Variants in EPHA8 observed in about 807,000 individuals in gnomAD.
The protein encoded by EPHA8 is EPH receptor A8.
A neutral mutation model predicts 103.6 loss-of-function variants in EPHA8; 58 were observed. The observed-to-expected ratio is 0.56, with a 90% CI of 0.45 to 0.70. The LOEUF (loss-of-function observed/expected upper bound fraction) is 0.70. Among genes scored for constraint, EPHA8 ranks in the 30% least tolerant of loss-of-function variants. The probability of loss-of-function intolerance (pLI) is 0.00; values close to 1 mark genes in which losing one functional copy is unlikely to be tolerated. For missense variants in EPHA8, 1,304 were observed against 1,395.2 expected, an observed-to-expected ratio of 0.93 and a Z score of 1.04; for synonymous variants, 559 against 572.5, an observed-to-expected ratio of 0.98 and a Z score of 0.34.
chr1:22,590,515 C>T (rs558268605), intron 5 of EPHA8, among the ~76,000 whole-genome samples: 2 of 152,268 alleles, frequency 1.3e-5, no homozygotes, highest in Non-Finnish European at 2.9e-5. Flanking sequence ...TCCATGGGCG[C>T]CTCTTCCCCC....
At chr1:22,578,009 A>ATGTG (rs1640791378) in intron 3 of EPHA8, among the ~76,000 whole-genome samples, 1 of 482 alleles carries the variant, frequency 2.1e-3, no homozygotes, top group Non-Finnish European at 4.3e-3. Flanking sequence ...CTGTGTGTGC[A>ATGTG]TGTGTATGTG....
Position 22,586,600 on chromosome 1 carries a change from G to C in EPHA8, c.944G>C (p.Arg315Pro). The C allele has an allele frequency of 1.2e-6, 2 of 1,613,856 alleles. No homozygotes were observed. The highest frequency in any genetic ancestry group is 2.2e-5 in the South Asian group (2 of 91,066). Residue 315 changes from arginine (R) to proline (P), a missense_variant, in exon 4 of 17, where the codon CGT becomes CCT. By Grantham distance (103) the Arg-to-Pro change is moderately radical. Coordinates refer to ENST00000166244, the MANE Select transcript of EPHA8 (RefSeq NM_020526.5). ...TGCCACTGTGACCTCAGCTACTACCGTGCAGCCCTGGACCCGCCGTCCTCA... is the reference window on the plus strand; with the variant it reads ...TGCCACTGTGACCTCAGCTACTACCCTGCAGCCCTGGACCCGCCGTCCTCA... Reference protein sequence around the residue: ...QACHCDLSYYRAALDPPSSAC... With the variant: ...QACHCDLSYYPAALDPPSSAC...
In EPHA8 at chr1:22,588,965, T is replaced by C. The variant is rs754177762; in HGVS notation, c.1074T>C (p.Ser358=). 9 of 1,613,460 alleles carry C rather than the reference T, an allele frequency of 5.6e-6. No homozygotes were observed. In the African/African-American group the frequency reaches 1.2e-4, roughly 22 times the overall value. Residue 358 remains serine (S), a synonymous_variant, in exon 5 of 17, where the codon AGT becomes AGC. Transcript: ENST00000166244. ...WAPPLDPGGR[S]DITYNAVCRR... is the part of the protein sequence containing the mutation. ...CTCCCCTGGACCCAGGTGGCCGCAG[T>C]GACATCACCTACAATGCCGTGTGCC...
intron 9 of EPHA8, 53 bp downstream of exon 9, chr1:22,596,226 C>A: frequency 6.4e-7 from 1 of 1,562,848 alleles, no homozygotes; most frequent in Non-Finnish European, 8.8e-7. Context: ...CAGGGGGACC[C>A]AGTGCTGGAC....
chr1:22,595,216 G>T lies in EPHA8; in HGVS notation c.1604-14G>T. The T allele has an allele frequency of 6.2e-7, 1 of 1,600,476 alleles. No homozygotes were observed. The highest frequency in any genetic ancestry group is 1.7e-4 in the Middle Eastern group (1 of 6,010). ...CTGAGAGCCTGGTCCCCCAACCCTG[G>T]CTTTCCCCTGCAGGGCCCCGCTATG... On this transcript the variant is annotated splice_polypyrimidine_tract_variant and intron_variant, in intron 7 of 16. Transcript: ENST00000166244.
In EPHA8 at chr1:22,597,801, T is replaced by C. The variant is rs1570030099; in HGVS notation, c.2056T>C (p.Ser686Pro). 6.2e-7 allele frequency: 1 copy of C among 1,612,948 alleles called. No individual in the cohort carries two copies. Among genetic ancestry groups the C allele is most frequent in the Admixed American group, 1.7e-5 (1 of 60,004 alleles). The change falls in exon 11 of 17, where the codon TCC (serine) becomes CCC (proline). Residue 686 changes from serine to proline, a missense_variant. Transcript: ENST00000166244. The surrounding 1 kb of genome is among the most constrained non-coding windows in gnomAD (Gnocchi z 4.6). ...GAGGCGGGACTTCCTGAGCGAGGCG[T>C]CCATCATGGGGCAATTCGACCATCC... ...RQRRDFLSEA[S>P]IMGQFDHPNI...
Position 22,600,733 on chromosome 1 carries a change from G to A in EPHA8, c.2461G>A (p.Val821Met), listed in dbSNP as rs747411921. 5.0e-6 allele frequency: 8 copies of A among 1,613,564 alleles called. 1 individual carries two copies. The highest frequency in any genetic ancestry group is 2.2e-5 in the South Asian group (2 of 91,052). Residue 821 changes from valine to methionine, a missense_variant, in exon 14 of 17, where the codon GTG becomes ATG. By Grantham distance (21) the Val-to-Met change is conservative. Coordinates refer to ENST00000166244, the MANE Select transcript of EPHA8 (RefSeq NM_020526.5). ...CCGCACCTTCTCCTCGGCCAGCGAC[G>A]TGTGGAGCTTCGGCGTGGTCATGTG... ...AFRTFSSASD[V>M]WSFGVVMWEV...
intron 4 of EPHA8, among the ~76,000 whole-genome samples, 163 bp from the exon 5 acceptor site, chr1:22,588,708 C>T (rs564364706): frequency 1.4e-3 from 210 of 152,180 alleles, no homozygotes; most frequent in Admixed American, 2.2e-3. Flanking sequence ...CAAACTCTGC[C>T]CTTGGGGAGG....
Position 22,597,630 on chromosome 1 carries a change from G to GGA in EPHA8, c.1931-45_1931-44insAG, listed in dbSNP as rs1404303769. ...GCCTGGGAGGCTGGGGGAGTCTGAG[G>GGA]GTCCCACTGCCCTCCCTCCACACCT... On this transcript the variant is annotated intron_variant, in intron 10 of 16. Transcript: ENST00000166244. This position sits in a 1 kb window ranked among gnomAD's most constrained non-coding sequence, Gnocchi z 4.6. The GGA allele has an allele frequency of 1.1e-5, 17 of 1,561,414 alleles. No individual in the cohort carries two copies. The highest frequency in any genetic ancestry group is 1.5e-5 in the Non-Finnish European group (17 of 1,152,872).
Position 22,597,192 on chromosome 1 carries a change from A to T in EPHA8, c.1766-120A>T. Reference sequence around the variant, plus strand: ...TATGGGGTGCGTGTTGTTTGCTACCACATCCAGAGACTCCCAGAGACACCC... The same window carrying T: ...TATGGGGTGCGTGTTGTTTGCTACCTCATCCAGAGACTCCCAGAGACACCC... On this transcript the variant is annotated intron_variant, in intron 9 of 16. Transcript: ENST00000166244. This position sits in a 1 kb window ranked among gnomAD's most constrained non-coding sequence, Gnocchi z 4.6. The T allele has an allele frequency of 1.3e-6, 1 of 783,034 alleles. No individual in the cohort carries two copies. The highest frequency in any genetic ancestry group is 1.8e-5 in the African/African-American group (1 of 56,908). 48.5% of individuals were successfully genotyped at this position (783,034 alleles called of 1,614,324 possible). A position where few individuals can be genotyped will look rare whatever the true frequency, so the allele number is the denominator to read the frequency against.
chr1:22,570,678 CTGT>C (rs1267595138), intron 2 of EPHA8, among the ~76,000 whole-genome samples: 1 of 152,244 alleles, frequency 6.6e-6, no homozygotes, highest in Non-Finnish European at 1.5e-5. Context: ...TGAGCTGAGC[CTGT>C]TATCAGCCCT....
intron 1 of EPHA8, among the ~76,000 whole-genome samples, chr1:22,566,924 G>A (rs1333076424): frequency 6.6e-6 from 1 of 152,176 alleles, no homozygotes; most frequent in African/African-American, 2.4e-5. Context: ...GAAGGGTCTG[G>A]AATGAATTGG....
At chr1:22,586,404 G>A (rs1479934007) in intron 3 of EPHA8, 76 bp from the exon 4 acceptor site, 5 of 1,541,086 alleles carry the variant, frequency 3.2e-6, no homozygotes, top group Non-Finnish European at 4.4e-6. Flanking sequence ...GAAGCTGTGG[G>A]CCACAGTGTG....
intron 3 of EPHA8, among the ~76,000 whole-genome samples, chr1:22,579,222 T>TGTGC (rs1557562817): frequency 1.1e-4 from 16 of 151,856 alleles, no homozygotes; most frequent in Admixed American, 7.9e-4. Flanking sequence ...TGTGTGTATG[T>TGTGC]ATGCATGTGT....
intron 3 of EPHA8, among the ~76,000 whole-genome samples, chr1:22,581,950 G>A (rs1435852659): frequency 1.3e-5 from 2 of 152,302 alleles, no homozygotes; most frequent in East Asian, 3.9e-4. Flanking sequence ...CTCAAACTAA[G>A]GCCTTTCACA....
Position 22,595,430 on chromosome 1 carries a change from T to C in EPHA8, c.1697+107T>C, listed in dbSNP as rs1017833341. 1.3e-5 allele frequency: 11 copies of C among 840,558 alleles called. No individual in the cohort carries two copies. The African/African-American group carries it at 1.8e-4, about 14-fold the overall frequency. 52.1% of individuals were successfully genotyped at this position (840,558 alleles called of 1,614,324 possible). A position where few individuals can be genotyped will look rare whatever the true frequency, so the allele number is the denominator to read the frequency against. On this transcript the variant is annotated intron_variant, in intron 8 of 16. Transcript: ENST00000166244. ...TGGTCCCCGTGTGCCTGGGGCTGGC[T>C]CACTTACAAACACACCACCTCATTT...
Position 22,602,870 on chromosome 1 carries a change from C to CT in EPHA8, c.*1131dup, listed in dbSNP as rs1641778017. ...GGGGCTCCGGCCTCCTGCCAAGGCT[C>CT]TTGTCCCCATACACCATCCCACAAG... is the stretch of plus-strand genomic sequence containing the variant. On this transcript the variant is annotated 3_prime_UTR_variant, in exon 17 of 17. Transcript: ENST00000166244. 1 of 152,522 alleles carries CT rather than the reference C, an allele frequency of 6.6e-6. No individual in the cohort carries two copies. Among genetic ancestry groups the CT allele is most frequent in the Non-Finnish European group, 1.5e-5 (1 of 68,092 alleles). The allele number at this position is 152,522 out of a possible 1,614,324, so 9.4% of individuals were successfully genotyped here.
intron 8 of EPHA8, 29 bp downstream of exon 8, chr1:22,595,352 C>T: frequency 6.3e-7 from 1 of 1,590,020 alleles, no homozygotes; most frequent in Non-Finnish European, 8.6e-7. Context: ...CCACACCCAG[C>T]CCCTCCTCTC....
At chr1:22,583,949 A>G (rs1471975624) in intron 3 of EPHA8, among the ~76,000 whole-genome samples, 1 of 152,200 alleles carries the variant, frequency 6.6e-6, no homozygotes, top group Non-Finnish European at 1.5e-5. Flanking sequence ...GAAGCTCCCT[A>G]AGAGCAGGCC....
Sources: gnomAD v4.1 joint callset for allele counts (sites outside exome capture counted in the v4.1 genomes callset) on GRCh38, gnomAD v4.1.1 for gene constraint, Gnocchi (gnomAD v3.1) non-coding constraint, MANE v1.5 for transcripts, NCBI Gene and HGNC (gene_info 2026-07-23, HGNC 2026-07-21) for gene names.